The following PHACTR1 variants were observed in gnomAD, a reference collection of about 807,000 sequenced individuals.
The protein encoded by PHACTR1 is phosphatase and actin regulator 1.
A neutral mutation model predicts 69.2 loss-of-function variants in PHACTR1; 16 were observed. The observed-to-expected ratio is 0.23, with a 90% confidence interval of 0.16 to 0.35. The LOEUF (loss-of-function observed/expected upper bound fraction) is 0.35, where lower values mean the gene tolerates loss of function less well. Ranked by LOEUF, PHACTR1 falls within the 10% of genes least tolerant of loss-of-function variation. The pLI is 1.00. For missense variants in PHACTR1, 510 were observed against 734.7 expected (o/e 0.69, Z 3.54); for synonymous variants, 312 against 284.5 (o/e 1.10, Z -0.97).
chr6:12,944,186 A>G (rs761829420), intron 4 of PHACTR1, among the ~76,000 whole-genome samples: 1 of 152,194 alleles, frequency 6.6e-6, no homozygotes, highest in African/African-American at 2.4e-5. Context: ...AGTGTGTCTG[A>G]GAATTAAGGC....
chr6:13,254,008 G>A (rs994807654), intron 10 of PHACTR1, among the ~76,000 whole-genome samples: 1 of 152,310 alleles, frequency 6.6e-6, no homozygotes, highest in Middle Eastern at 3.4e-3. Flanking sequence ...CAGGCAGATT[G>A]CCTGAGGTCA....
rs548957726 is a variant in PHACTR1 at position 12,958,236 on chromosome 6, G to T, written c.251-95129G>T. On this transcript the variant is annotated intron_variant, in intron 4 of 14. Coordinates refer to ENST00000332995, the MANE Select transcript of PHACTR1 (RefSeq NM_030948.6). ...ACGGTGTTAGTGTAGATGCCTCAAA[G>T]TCAGAAGAGATGGATACAAAACTGG... Among the ~76,000 whole-genome samples, 113 of 152,124 alleles carry T rather than the reference G, an allele frequency of 7.4e-4. 1 individual carries two copies. Among genetic ancestry groups the T allele is most frequent in the African/African-American group, 2.6e-3 (108 of 41,494 alleles).
At position 13,287,112 on chromosome 6, in the gene PHACTR1, C is replaced by T; in HGVS notation, c.*34C>T. On this transcript the variant is annotated 3_prime_UTR_variant, in exon 15 of 15. Transcript: ENST00000332995. ...TTCCTCTTGAGTGCTATGCTGTCTTCAAAACATAAATTTATAAGAACCATA... is the reference window on the plus strand; with the variant it reads ...TTCCTCTTGAGTGCTATGCTGTCTTTAAAACATAAATTTATAAGAACCATA... 1.3e-6 allele frequency: 2 copies of T among 1,580,930 alleles called. No homozygotes were observed. Among genetic ancestry groups the T allele is most frequent in the Non-Finnish European group, 1.7e-6 (2 of 1,157,882 alleles).
Position 12,848,297 on chromosome 6 carries a change from A to T in PHACTR1, c.250+98507A>T, listed in dbSNP as rs140657673. ...TCAAGATTTGTCCATTTTCTCTGAC[A>T]TACTCTTACCAATATACATATATGT... On this transcript the variant is annotated intron_variant, in intron 4 of 14. Coordinates refer to ENST00000332995, the MANE Select transcript of PHACTR1 (RefSeq NM_030948.6). Among the ~76,000 whole-genome samples the T allele has an allele frequency of 1.3e-3, 200 of 152,350 alleles. 1 individual carries two copies. The highest frequency in any genetic ancestry group is 2.4e-3 in the Non-Finnish European group (164 of 68,032).
chr6:12,824,226 C>T (rs1011450103), intron 4 of PHACTR1, among the ~76,000 whole-genome samples: 5 of 152,172 alleles, frequency 3.3e-5, no homozygotes, highest in Admixed American at 6.5e-5. Context: ...GTGTGATGAG[C>T]TGTCACTGTC....
intron 2 of PHACTR1, 62 bp downstream of exon 2, chr6:12,717,805 T>C (rs958861098): frequency 3.9e-5 from 6 of 152,236 alleles, no homozygotes; most frequent in Admixed American, 2.6e-4. Flanking sequence ...TTACCGGACT[T>C]GGTTTCTTAA....
chr6:13,070,136 G>A (rs1809283303), intron 5 of PHACTR1, among the ~76,000 whole-genome samples: 1 of 152,032 alleles, frequency 6.6e-6, no homozygotes, highest in Admixed American at 6.6e-5. Flanking sequence ...TTGCCTTTGA[G>A]GACACTTCTG....
chr6:13,212,522 T>C (rs572296209), intron 8 of PHACTR1, among the ~76,000 whole-genome samples: 1 of 152,270 alleles, frequency 6.6e-6, no homozygotes, highest in South Asian at 2.1e-4. Context: ...TTTCTCTCTA[T>C]ATTCTGTCTT....
intron 4 of PHACTR1, among the ~76,000 whole-genome samples, chr6:12,926,721 A>G (rs999570145): frequency 6.6e-6 from 1 of 152,240 alleles, no homozygotes; most frequent in Non-Finnish European, 1.5e-5. Context: ...CAGGATTTAT[A>G]GAGTGACTTT....
intron 4 of PHACTR1, among the ~76,000 whole-genome samples, chr6:13,034,089 T>C (rs1802899175): frequency 6.6e-6 from 1 of 151,942 alleles, no homozygotes. Flanking sequence ...CGATCTCGGC[T>C]CACTGCAGGC....
At chr6:12,728,943 A>G (rs1245040995) in intron 3 of PHACTR1, among the ~76,000 whole-genome samples, 2 of 152,194 alleles carry the variant, frequency 1.3e-5, no homozygotes, top group African/African-American at 4.8e-5. Context: ...ATAAAAAGTC[A>G]TATAGGAATG....
Position 13,011,545 on chromosome 6 carries a change from A to G in PHACTR1, c.251-41820A>G, listed in dbSNP as rs139124716. Among the ~76,000 whole-genome samples, 430 of 152,316 alleles carry G rather than the reference A, an allele frequency of 2.8e-3. 2 individuals are homozygous for G. Among genetic ancestry groups the G allele is most frequent in the African/African-American group, 9.9e-3 (412 of 41,562 alleles). On this transcript the variant is annotated intron_variant, in intron 4 of 14. Transcript: ENST00000332995. ...TGGCTGTGTCAGTGTTTGGTATGAT[A>G]CAATCACAATGCCCGTTGGCCAATT...
chr6:12,816,831 T>G (rs1455619559), intron 4 of PHACTR1, among the ~76,000 whole-genome samples: 2 of 152,144 alleles, frequency 1.3e-5, no homozygotes, highest in Non-Finnish European at 2.9e-5. Flanking sequence ...CAGGACAATA[T>G]TTAGATTACA....
At chr6:13,069,060 G>T (rs995588755) in intron 5 of PHACTR1, among the ~76,000 whole-genome samples, 1 of 151,990 alleles carries the variant, frequency 6.6e-6, no homozygotes, top group Non-Finnish European at 1.5e-5. Flanking sequence ...TGCAGGCCCC[G>T]AGGCCAGTGC....
intron 5 of PHACTR1, among the ~76,000 whole-genome samples, chr6:13,069,067 G>A (rs1022987493): frequency 1.3e-5 from 2 of 152,080 alleles, no homozygotes; most frequent in African/African-American, 4.8e-5. Context: ...CCCGAGGCCA[G>A]TGCTGTTTTA....
intron 5 of PHACTR1, among the ~76,000 whole-genome samples, chr6:13,101,354 C>T (rs1815130017): frequency 6.6e-6 from 1 of 152,240 alleles, no homozygotes; most frequent in East Asian, 1.9e-4. Context: ...ATTAACCCCA[C>T]TTCCCAAGAC....
chr6:12,918,236 C>A, intron 4 of PHACTR1, among the ~76,000 whole-genome samples: 1 of 151,472 alleles, frequency 6.6e-6, no homozygotes, highest in South Asian at 2.1e-4. Flanking sequence ...TTGGCCCACT[C>A]GCAAATCTCC....
chr6:12,743,563 T>C (rs1052240356), intron 3 of PHACTR1, among the ~76,000 whole-genome samples: 1 of 152,140 alleles, frequency 6.6e-6, no homozygotes, highest in African/African-American at 2.4e-5. Context: ...GCTGGGCCTG[T>C]CAGAAAGTGT....
chr6:13,099,788 A>G (rs1814853322), intron 5 of PHACTR1, among the ~76,000 whole-genome samples: 1 of 152,226 alleles, frequency 6.6e-6, no homozygotes, highest in Non-Finnish European at 1.5e-5. Flanking sequence ...CTCTTTACCA[A>G]GATTGTTTAT....
Sources: gnomAD v4.1 joint callset for allele counts (sites outside exome capture counted in the v4.1 genomes callset) on GRCh38, gnomAD v4.1.1 for gene constraint, MANE v1.5 for transcripts, NCBI Gene and HGNC (gene_info 2026-07-23, HGNC 2026-07-21) for gene names.